SART3: variants seen among roughly 807,000 people sequenced by gnomAD.
SART3 encodes HIV-1 Tat-interacting protein of 110kDa.
A neutral mutation model predicts 122.3 loss-of-function variants in SART3; 44 were observed. That is an observed-to-expected ratio of 0.36 (90% CI 0.28 to 0.46). The LOEUF is 0.46. Among genes scored for constraint, SART3 ranks in the 20% least tolerant of loss-of-function variants. The pLI, the probability that SART3 is intolerant of heterozygous loss-of-function variation, is 1.00. For synonymous variants in SART3, 442 were observed against 454.0 expected, an observed-to-expected ratio of 0.97 and a Z score of 0.34; for missense variants, 1,101 against 1,229.0, an observed-to-expected ratio of 0.90 and a Z score of 1.56.
At chr12:108,523,777 T>TAATTCCG (rs1872242488) in intron 18 of SART3, 143 bp from the exon 19 acceptor site, 1 of 790,102 alleles carries the variant, frequency 1.3e-6, no homozygotes, top group African/African-American at 1.7e-5. Flanking sequence ...CCCTGCCTCC[T>TAATTCCG]TAATTCTGTT....
chr12:108,550,324 G>A (rs2029955205), intron 1 of SART3, among the ~76,000 whole-genome samples: 1 of 152,152 alleles, frequency 6.6e-6, no homozygotes, highest in African/African-American at 2.4e-5. Flanking sequence ...AACTACGACA[G>A]ATTATCCTCC....
At chr12:108,525,711 G>A in intron 16 of SART3, 102 bp from the exon 17 acceptor site, 1 of 1,242,096 alleles carries the variant, frequency 8.1e-7, no homozygotes, top group South Asian at 1.2e-5. Flanking sequence ...AGCCCAGCCA[G>A]GCAGACTAGA....
intron 17 of SART3, chr12:108,524,793 C>T (rs1872294561): frequency 4.0e-6 from 2 of 500,412 alleles, no homozygotes; most frequent in Non-Finnish European, 3.6e-6. Context: ...AGGAAAAAGA[C>T]AGATGGACCA....
intron 1 of SART3, among the ~76,000 whole-genome samples, chr12:108,555,374 T>C (rs1180238023): frequency 6.6e-6 from 1 of 152,170 alleles, no homozygotes; most frequent in African/African-American, 2.4e-5. Flanking sequence ...TGAAAGATAT[T>C]AAAGACTTGG....
rs752489694 is a variant in SART3 at position 108,523,449 on chromosome 12, C to T, written c.*8G>A. 1.4e-5 allele frequency: 23 copies of T among 1,612,028 alleles called. No individual in the cohort carries two copies. Among genetic ancestry groups the T allele is most frequent in the Admixed American group, 5.0e-5 (3 of 60,018 alleles). On this transcript the variant is annotated 3_prime_UTR_variant, in exon 19 of 19. Coordinates refer to ENST00000546815, the MANE Select transcript of SART3 (RefSeq NM_014706.4). ...AAGTAAGGCATTTCCTGTCTCCCAGCGTCCCGTTCACTTTCTCAGAAACAG... is the reference window on the plus strand; with the variant it reads ...AAGTAAGGCATTTCCTGTCTCCCAGTGTCCCGTTCACTTTCTCAGAAACAG...
intron 3 of SART3, among the ~76,000 whole-genome samples, chr12:108,545,737 G>A (rs1287571594): frequency 6.6e-6 from 1 of 152,162 alleles, no homozygotes; most frequent in African/African-American, 2.4e-5. Flanking sequence ...GGAGACTGAC[G>A]TGGGAGGACC....
chr12:108,553,436 A>C (rs1188958370), intron 1 of SART3, among the ~76,000 whole-genome samples: 1 of 152,222 alleles, frequency 6.6e-6, no homozygotes, highest in African/African-American at 2.4e-5. Context: ...TTATCTCAAA[A>C]TAAAAAGGCG....
chr12:108,547,933 T>C lies in SART3; in HGVS notation c.498A>G (p.Arg166=). 6.2e-7 allele frequency: 1 copy of C among 1,613,834 alleles called. No individual in the cohort carries two copies. Among genetic ancestry groups the C allele is most frequent in the Non-Finnish European group, 8.5e-7 (1 of 1,180,022 alleles). The change falls in exon 3 of 19, where the codon AGA becomes AGG. Residue 166 remains arginine, a synonymous_variant. Transcript: ENST00000546815. ...EISMAQDGLD[R]EHVYDLFEKA... Reference sequence around the variant, plus strand: ...TCTCAAAGAGGTCATACACGTGCTCTCTGTCCAGGCCATCCTGGGCCATGC... The same window carrying C: ...TCTCAAAGAGGTCATACACGTGCTCCCTGTCCAGGCCATCCTGGGCCATGC...
At chr12:108,525,352 G>A (rs1045414644) in intron 17 of SART3, 105 bp downstream of exon 17, 3 of 1,229,380 alleles carry the variant, frequency 2.4e-6, no homozygotes, top group Non-Finnish European at 3.6e-6. Context: ...TTTCTCAGCA[G>A]ACAAACTAGG....
intron 5 of SART3, among the ~76,000 whole-genome samples, chr12:108,544,191 T>C (rs1592768201): frequency 6.6e-6 from 1 of 152,334 alleles, no homozygotes; most frequent in Middle Eastern, 3.4e-3. Context: ...AGCTCTCACC[T>C]GGGAGTCAGG....
intron 6 of SART3, among the ~76,000 whole-genome samples, chr12:108,540,889 A>T (rs1873129794): frequency 6.6e-6 from 1 of 152,232 alleles, no homozygotes; most frequent in African/African-American, 2.4e-5. Context: ...CTGGTTCTCC[A>T]TATGGAAAAA....
intron 4 of SART3, 179 bp from the exon 5 acceptor site, chr12:108,544,657 C>G: frequency 1.2e-6 from 1 of 808,094 alleles, no homozygotes; most frequent in Non-Finnish European, 2.1e-6. Flanking sequence ...GCCTCACACT[C>G]CAGGCTCATG....
intron 6 of SART3, among the ~76,000 whole-genome samples, chr12:108,541,316 A>C (rs1393418362): frequency 6.6e-6 from 1 of 151,940 alleles, no homozygotes; most frequent in Non-Finnish European, 1.5e-5. Context: ...CTGAGGCAGG[A>C]GAATCGCTTG....
Position 108,547,998 on chromosome 12 carries a change from G to C in SART3, c.440-7C>G. On this transcript the variant is annotated splice_polypyrimidine_tract_variant and splice_region_variant and intron_variant, in intron 2 of 18. Coordinates refer to ENST00000546815, the MANE Select transcript of SART3 (RefSeq NM_014706.4). ...AGCCACTCCAGCCAGAGCTCTACGA[G>C]ACAAAAATACTTCCCGCATTAATAC... The C allele has an allele frequency of 1.2e-6, 2 of 1,611,136 alleles. No homozygotes were observed. Among genetic ancestry groups the C allele is most frequent in the Non-Finnish European group, 1.7e-6 (2 of 1,179,126 alleles).
Position 108,543,035 on chromosome 12 carries a change from T to G in SART3, c.899A>C (p.Glu300Ala). Reference sequence around the variant, plus strand: ...AAAGAAGCCAACACTTACCAGTGCTTCTTCATAGGGTTTATATTTCTCCAG... The same window carrying G: ...AAAGAAGCCAACACTTACCAGTGCTGCTTCATAGGGTTTATATTTCTCCAG... The part of the protein sequence containing the change: ...QQLEKYKPYE[E>A]ALLQAEAPRL... The change falls in exon 6 of 19, where the codon GAA becomes GCA. Residue 300 changes from glutamate to alanine, a missense_variant. This residue lies in a region of SART3 where 885 missense variants were observed against 1,080.1 expected (regional missense o/e 0.82). Coordinates refer to ENST00000546815, the MANE Select transcript of SART3 (RefSeq NM_014706.4). 6.2e-7 allele frequency: 1 copy of G among 1,614,252 alleles called. No homozygotes were observed.
rs1397663325 is a variant in SART3 at position 108,523,191 on chromosome 12, C to CT, written c.*265dup. On this transcript the variant is annotated 3_prime_UTR_variant, in exon 19 of 19. Coordinates refer to ENST00000546815, the MANE Select transcript of SART3 (RefSeq NM_014706.4). ...TCTCGTTTCGCTTCTGTGCCTCAGT[C>CT]TTTAAGATACAAAACTATCTCAGGA... 105 of 566,100 alleles carry CT rather than the reference C, an allele frequency of 1.9e-4. No homozygotes were observed. The highest frequency in any genetic ancestry group is 9.4e-4 in the Middle Eastern group (2 of 2,136). 35.1% of individuals were successfully genotyped at this position (566,100 alleles called of 1,614,324 possible).
chr12:108,541,590 G>A (rs1271578790), intron 6 of SART3, among the ~76,000 whole-genome samples: 6 of 151,990 alleles, frequency 3.9e-5, no homozygotes, highest in Non-Finnish European at 8.8e-5. Flanking sequence ...GCTGGATGGA[G>A]TGCAGTGGTG....
At chr12:108,543,286 T>A (rs1873250531) in intron 5 of SART3, 134 bp from the exon 6 acceptor site, 6 of 1,060,862 alleles carry the variant, frequency 5.7e-6, no homozygotes, top group Non-Finnish European at 6.8e-6. Context: ...CTGATCAAAT[T>A]CTGATTTCTG....
chr12:108,522,921 A>G lies in SART3; in HGVS notation c.*536T>C, dbSNP rs1416446596. 1.3e-5 allele frequency: 2 copies of G among 159,956 alleles called. No individual in the cohort carries two copies. Among genetic ancestry groups the G allele is most frequent in the Non-Finnish European group, 2.8e-5 (2 of 72,284 alleles). The allele number at this position is 159,956 out of a possible 1,614,324, so 9.9% of individuals were successfully genotyped here. On this transcript the variant is annotated 3_prime_UTR_variant, in exon 19 of 19. Coordinates refer to ENST00000546815, the MANE Select transcript of SART3 (RefSeq NM_014706.4). Reference sequence around the variant, plus strand: ...ACAATGGCTGACATGTCATTTACAAACACATAATATAAAAATGCACAGCCC... The same window carrying G: ...ACAATGGCTGACATGTCATTTACAAGCACATAATATAAAAATGCACAGCCC...
Sources: allele counts gnomAD v4.1 joint callset (sites outside exome capture counted in the v4.1 genomes callset), GRCh38; gene constraint gnomAD v4.1.1; regional missense constraint gnomAD v4.1.1; transcripts MANE v1.5; gene names NCBI Gene and HGNC (gene_info 2026-07-23, HGNC 2026-07-21).